Variants in CRPPA observed in about 807,000 individuals in gnomAD.
The protein encoded by CRPPA is CDP-L-ribitol pyrophosphorylase A.
In CRPPA, 43 loss-of-function variants were observed where a neutral mutation model predicts 52.0. The ratio of observed to expected loss-of-function variants is 0.83; its 90% confidence interval spans 0.65 to 1.07. The LOEUF (loss-of-function observed/expected upper bound fraction) is 1.07. Ranked by LOEUF, CRPPA falls within the 50% of genes least tolerant of loss-of-function variation. The pLI, the probability that CRPPA is intolerant of heterozygous loss-of-function variation, is 0.00. For synonymous variants in CRPPA, 250 were observed against 203.5 expected, an observed-to-expected ratio of 1.23 and a Z score of -1.94; for missense variants, 629 against 551.7, an observed-to-expected ratio of 1.14 and a Z score of -1.40.
At chr7:16,400,026 A>G (rs6948660) in intron 2 of CRPPA, among the ~76,000 whole-genome samples, 41,817 of 152,162 alleles carry the variant, frequency 0.27, 6,071 homozygotes, top group South Asian at 0.38. Context: ...GAATGACATG[A>G]TTAGTACGTG....
In CRPPA at chr7:16,278,118, T is replaced by A; in HGVS notation, c.933+11A>T. ...ATCAAAGTTTATCAAACTCAGTCTT[T>A]GAATACTTACATTTAATTCACTTTT... On this transcript the variant is annotated intron_variant, in intron 6 of 9. Transcript: ENST00000407010. 1 of 1,394,348 alleles carries A rather than the reference T, an allele frequency of 7.2e-7. No homozygotes were observed. The highest frequency in any genetic ancestry group is 2.3e-5 in the East Asian group (1 of 43,476). 86.4% of individuals were successfully genotyped at this position (1,394,348 alleles called of 1,614,324 possible).
intron 9 of CRPPA, among the ~76,000 whole-genome samples, chr7:16,155,592 T>C (rs1400184488): frequency 6.6e-6 from 1 of 152,228 alleles, no homozygotes; most frequent in South Asian, 2.1e-4. Flanking sequence ...GAATACGACA[T>C]ATTTTCTCTT....
At chr7:16,420,945 G>C (rs1298137557) in intron 1 of CRPPA, 121 bp downstream of exon 1, 13 of 895,256 alleles carry the variant, frequency 1.5e-5, no homozygotes, top group Non-Finnish European at 1.8e-5. Flanking sequence ...GCTCAAGCTT[G>C]AATAACTGAG....
intron 5 of CRPPA, among the ~76,000 whole-genome samples, chr7:16,282,639 T>C (rs1021100999): frequency 6.6e-6 from 1 of 151,982 alleles, no homozygotes; most frequent in African/African-American, 2.4e-5. Context: ...AAGCACCCTC[T>C]CCTAAAAACA....
At chr7:16,214,631 G>C (rs993606166) in intron 9 of CRPPA, among the ~76,000 whole-genome samples, 1 of 151,906 alleles carries the variant, frequency 6.6e-6, no homozygotes, top group Non-Finnish European at 1.5e-5. Flanking sequence ...CAGCCTCCCA[G>C]GTAGCTGGGA....
chr7:16,375,153 G>A (rs1322081800), intron 3 of CRPPA, among the ~76,000 whole-genome samples: 1 of 152,150 alleles, frequency 6.6e-6, no homozygotes, highest in African/African-American at 2.4e-5. Context: ...CGATGACCAT[G>A]GATCAGCTTG....
chr7:16,267,465 AG>A (rs1199466899), intron 6 of CRPPA, among the ~76,000 whole-genome samples: 1 of 152,188 alleles, frequency 6.6e-6, no homozygotes, highest in Non-Finnish European at 1.5e-5. Flanking sequence ...AGCCAGCAAA[AG>A]GTTCTATCAT....
At position 16,364,095 on chromosome 7, in the gene CRPPA, T is replaced by C. The variant is rs138405822; in HGVS notation, c.684+11997A>G. Among the ~76,000 whole-genome samples the C allele has an allele frequency of 2.0e-5, 3 of 152,312 alleles. 1 individual carries two copies. The highest frequency in any genetic ancestry group is 7.2e-5 in the African/African-American group (3 of 41,582). On this transcript the variant is annotated intron_variant, in intron 3 of 9. Coordinates refer to ENST00000407010, the MANE Select transcript of CRPPA (RefSeq NM_001101426.4). ...TTAATCCCAAGATCTTTTTCAGTTA[T>C]AAAATTTACTGAGGGTAGAAAATAA...
At chr7:16,407,124 C>T (rs551009352) in intron 1 of CRPPA, among the ~76,000 whole-genome samples, 3 of 152,192 alleles carry the variant, frequency 2.0e-5, no homozygotes, top group South Asian at 4.1e-4. Context: ...TACAGACACC[C>T]GCCACCATGC....
At chr7:16,096,738 C>T (rs1053407474) in intron 9 of CRPPA, among the ~76,000 whole-genome samples, 4 of 152,084 alleles carry the variant, frequency 2.6e-5, no homozygotes, top group Admixed American at 2.6e-4. Flanking sequence ...TGAACTATTA[C>T]AGCCAGCTTC....
chr7:16,418,857 T>G (rs1291218549), intron 1 of CRPPA, among the ~76,000 whole-genome samples: 1 of 152,168 alleles, frequency 6.6e-6, no homozygotes, highest in African/African-American at 2.4e-5. Flanking sequence ...CCGCCTATCT[T>G]AGACTGCCTC....
intron 5 of CRPPA, among the ~76,000 whole-genome samples, chr7:16,281,497 A>C (rs888908096): frequency 6.6e-6 from 1 of 152,164 alleles, no homozygotes; most frequent in East Asian, 1.9e-4. Context: ...CTATAATTTT[A>C]TCTGATAATG....
intron 9 of CRPPA, among the ~76,000 whole-genome samples, chr7:16,138,985 A>C (rs1348077888): frequency 6.6e-6 from 1 of 152,094 alleles, no homozygotes; most frequent in Non-Finnish European, 1.5e-5. Flanking sequence ...TATTTTTAGT[A>C]GATACAGGTT....
chr7:16,117,213 T>C (rs1036705730), intron 9 of CRPPA, among the ~76,000 whole-genome samples: 13 of 152,204 alleles, frequency 8.5e-5, no homozygotes, highest in Admixed American at 8.5e-4. Context: ...ATCGGTTGTT[T>C]CTCTCTCTTT....
intron 1 of CRPPA, among the ~76,000 whole-genome samples, chr7:16,411,440 C>G (rs1788075395): frequency 1.3e-5 from 2 of 152,034 alleles, no homozygotes; most frequent in African/African-American, 4.8e-5. Context: ...ACGTAATATT[C>G]CTGCTTTTAT....
At chr7:16,413,683 C>A (rs6461254) in intron 1 of CRPPA, among the ~76,000 whole-genome samples, 76,246 of 152,044 alleles carry the variant, frequency 0.5, 21,010 homozygotes, top group African/African-American at 0.74. Flanking sequence ...TCTAGGACAG[C>A]ATATGTAAAA....
At chr7:16,190,978 T>G (rs1781597643) in intron 9 of CRPPA, among the ~76,000 whole-genome samples, 1 of 152,114 alleles carries the variant, frequency 6.6e-6, no homozygotes, top group African/African-American at 2.4e-5. Flanking sequence ...AATTCCATGG[T>G]ATGTATGTGT....
intron 9 of CRPPA, among the ~76,000 whole-genome samples, chr7:16,197,395 G>A (rs1781762578): frequency 6.6e-6 from 1 of 152,104 alleles, no homozygotes; most frequent in Admixed American, 6.6e-5. Flanking sequence ...GTGTGGTGGT[G>A]TAATCAATCA....
At chr7:16,419,908 T>C (rs1227508868) in intron 1 of CRPPA, among the ~76,000 whole-genome samples, 2 of 152,198 alleles carry the variant, frequency 1.3e-5, no homozygotes, top group Non-Finnish European at 2.9e-5. Context: ...ATTTGAGTAA[T>C]AATAAAACTC....
Sources: gnomAD v4.1 joint callset for allele counts (sites outside exome capture counted in the v4.1 genomes callset) on GRCh38, gnomAD v4.1.1 for gene constraint, MANE v1.5 for transcripts, NCBI Gene and HGNC (gene_info 2026-07-23, HGNC 2026-07-21) for gene names.